Variants in DHX36 observed in about 807,000 individuals in gnomAD.
The protein encoded by DHX36 is DEAH-box helicase 36.
Under a neutral mutation model 139.0 loss-of-function variants are expected in DHX36, and 50 were observed. The ratio of observed to expected loss-of-function variants is 0.36; its 90% CI spans 0.29 to 0.46. The LOEUF is 0.46. Ranked by LOEUF, DHX36 falls within the 20% of genes least tolerant of loss-of-function variation. The pLI, the probability that DHX36 is intolerant of heterozygous loss-of-function variation, is 1.00. For missense variants in DHX36, 1,024 were observed against 1,211.3 expected, an observed-to-expected ratio of 0.85 and a Z score of 2.29; for synonymous variants, 425 against 401.9, an observed-to-expected ratio of 1.06 and a Z score of -0.69.
Position 154,324,405 on chromosome 3 carries a change from G to C in DHX36, c.12C>G (p.Asp4Glu). 1 of 1,538,124 alleles carries C rather than the reference G, an allele frequency of 6.5e-7. No homozygotes were observed. The highest frequency in any genetic ancestry group is 8.8e-7 in the Non-Finnish European group (1 of 1,140,386). The part of the protein sequence containing the change: MSY[D>E]YHQNWGRDGG... ...CATCACGGCCCCAGTTCTGATGGTA[G>C]TCATAACTCATTGTCCTGGCAGACT... The change falls in exon 1 of 25, where the codon GAC becomes GAG. Residue 4 changes from aspartate to glutamate, a missense_variant. Physicochemically the swap from Asp to Glu is conservative, Grantham distance 45 (BLOSUM62 2). Coordinates refer to ENST00000496811, the MANE Select transcript of DHX36 (RefSeq NM_020865.3).
intron 1 of DHX36, among the ~76,000 whole-genome samples, chr3:154,318,407 A>T (rs355774): frequency 2.6e-5 from 4 of 152,038 alleles, no homozygotes; most frequent in Non-Finnish European, 4.4e-5. Context: ...TCATTACTCT[A>T]TATTTTGTTT....
intron 5 of DHX36, among the ~76,000 whole-genome samples, chr3:154,306,969 A>T (rs1712527308): frequency 6.6e-6 from 1 of 152,154 alleles, no homozygotes; most frequent in Non-Finnish European, 1.5e-5. Context: ...TGGAAAAAAG[A>T]AGAGAAAAAT....
At chr3:154,279,767 G>C (rs1433663023) in intron 22 of DHX36, 2 of 151,994 alleles carry the variant, frequency 1.3e-5, no homozygotes, top group Non-Finnish European at 2.9e-5. Flanking sequence ...TATAATTCTA[G>C]AATATCCAAC....
intron 1 of DHX36, among the ~76,000 whole-genome samples, chr3:154,323,478 A>G (rs1713276168): frequency 6.6e-6 from 1 of 152,216 alleles, no homozygotes; most frequent in African/African-American, 2.4e-5. Context: ...AATTTTATTT[A>G]CTAGTCACTC....
intron 10 of DHX36, 120 bp downstream of exon 10, chr3:154,300,867 G>C: frequency 4.9e-6 from 7 of 1,418,526 alleles, no homozygotes; most frequent in Non-Finnish European, 6.8e-6. Flanking sequence ...TATTTAGCTC[G>C]AATAAGAGAC....
rs1487247381 is a variant in DHX36 at position 154,283,235 on chromosome 3, C to T, written c.2329G>A (p.Glu777Lys). Residue 777 changes from glutamate to lysine, a missense_variant, in exon 20 of 25, where the codon GAA (glutamate) becomes AAA (lysine). Coordinates refer to ENST00000496811, the MANE Select transcript of DHX36 (RefSeq NM_020865.3). ...EEARRRGFRY[E>K]KDYCWEYFLS... ...AAATATTCCCAGCAATAGTCCTTTT[C>T]GTATCTGAAACCACGTCGCCTAGCC... 2.5e-6 allele frequency: 4 copies of T among 1,613,806 alleles called. No individual in the cohort carries two copies. The highest frequency in any genetic ancestry group is 3.4e-6 in the Non-Finnish European group (4 of 1,179,780).
chr3:154,304,890 TA>T lies in DHX36; in HGVS notation c.1050del (p.Asp352ThrfsTer9). On this transcript the variant is annotated frameshift_variant, in exon 8 of 25. Coordinates refer to ENST00000496811, the MANE Select transcript of DHX36 (RefSeq NM_020865.3). LOFTEE classifies it high-confidence loss of function. ...TCAGATCGAAAATTGAGAAGGTCTT[TA>T]ACAACAGTCATTAAAACATCTGACT... ...NLQSDVLMTVVKDLLNFRSDL... is the reference protein window; with the variant it reads ...NLQSDVLMTVXKDLLNFRSDL... The T allele has an allele frequency of 6.2e-7, 1 of 1,612,758 alleles. No homozygotes were observed. The highest frequency in any genetic ancestry group is 8.5e-7 in the Non-Finnish European group (1 of 1,179,574).
At chr3:154,302,788 C>A (rs779989154) in intron 9 of DHX36, among the ~76,000 whole-genome samples, 43 of 152,160 alleles carry the variant, frequency 2.8e-4, no homozygotes, top group Non-Finnish European at 5.9e-4. Context: ...TCAAAAAACA[C>A]TGACACCAGC....
intron 1 of DHX36, among the ~76,000 whole-genome samples, chr3:154,319,593 C>T (rs1391690932): frequency 1.3e-5 from 2 of 152,290 alleles, no homozygotes; most frequent in East Asian, 3.9e-4. Flanking sequence ...CAGTCCAGTT[C>T]CTTTCATGTC....
intron 17 of DHX36, among the ~76,000 whole-genome samples, chr3:154,287,810 G>A (rs1453336126): frequency 6.6e-6 from 1 of 152,112 alleles, no homozygotes; most frequent in Admixed American, 6.5e-5. Flanking sequence ...GAAGACACTA[G>A]CAATTTATGA....
chr3:154,283,335 CCT>C (rs1355660937), intron 19 of DHX36, 64 bp from the exon 20 acceptor site: 1 of 1,119,006 alleles, frequency 8.9e-7, no homozygotes, highest in African/African-American at 1.5e-5. Flanking sequence ...TACTGGTTTC[CCT>C]CTTTACTTTA....
chr3:154,289,004 T>G, intron 16 of DHX36, 40 bp from the exon 17 acceptor site: 1 of 1,036,704 alleles, frequency 9.6e-7, no homozygotes, highest in Admixed American at 2.5e-5. Context: ...ACATATAATA[T>G]TAATATATTA....
intron 1 of DHX36, among the ~76,000 whole-genome samples, chr3:154,323,881 T>A (rs761552933): frequency 3.3e-5 from 5 of 152,170 alleles, no homozygotes; most frequent in African/African-American, 4.8e-5. Flanking sequence ...CCTAATAAAG[T>A]TAATTTCGGT....
intron 17 of DHX36, among the ~76,000 whole-genome samples, chr3:154,285,364 T>G (rs1372851032): frequency 6.6e-6 from 1 of 152,190 alleles, no homozygotes; most frequent in African/African-American, 2.4e-5. Flanking sequence ...TTCTAGTAGT[T>G]TAGGTGACGC....
intron 5 of DHX36, among the ~76,000 whole-genome samples, chr3:154,308,787 A>C (rs906202955): frequency 2.6e-5 from 4 of 152,180 alleles, no homozygotes; most frequent in Non-Finnish European, 5.9e-5. Context: ...AGTTACTTAT[A>C]AACTGTTACT....
At chr3:154,310,829 A>ATATATATG (rs1412933084) in intron 4 of DHX36, among the ~76,000 whole-genome samples, 2 of 41,088 alleles carry the variant, frequency 4.9e-5, no homozygotes, top group Admixed American at 3.8e-4. Flanking sequence ...ATATATATAT[A>ATATATATG]TATATATATA....
chr3:154,307,888 T>A (rs560065705), intron 5 of DHX36, among the ~76,000 whole-genome samples: 12 of 152,106 alleles, frequency 7.9e-5, no homozygotes, highest in Non-Finnish European at 1.3e-4. Context: ...CATCAATGGA[T>A]GACTGGATAA....
chr3:154,320,881 T>C (rs1474478371), intron 1 of DHX36, among the ~76,000 whole-genome samples: 1 of 152,212 alleles, frequency 6.6e-6, no homozygotes, highest in Non-Finnish European at 1.5e-5. Flanking sequence ...AATCCATTCC[T>C]TATACTGCTA....
chr3:154,308,924 A>G (rs1464702977), intron 5 of DHX36, among the ~76,000 whole-genome samples: 1 of 152,158 alleles, frequency 6.6e-6, no homozygotes, highest in Non-Finnish European at 1.5e-5. Context: ...ACAGAGACTT[A>G]TGCCTGTAAT....
Sources: gnomAD v4.1 joint callset for allele counts (sites outside exome capture counted in the v4.1 genomes callset) on GRCh38, gnomAD v4.1.1 for gene constraint, MANE v1.5 for transcripts, NCBI Gene and HGNC (gene_info 2026-07-23, HGNC 2026-07-21) for gene names.